RPH3AL: variants seen among roughly 807,000 people sequenced by gnomAD.
RPH3AL encodes rab effector Noc2.
RPH3AL carries 38 observed loss-of-function variants against 43.1 expected under a neutral mutation model. The ratio of observed to expected loss-of-function variants is 0.88; its 90% CI spans 0.68 to 1.15. The LOEUF (loss-of-function observed/expected upper bound fraction) is 1.15, where lower values mean the gene tolerates loss of function less well. Among genes scored for constraint, RPH3AL ranks in the 50% most tolerant of loss-of-function variants. RPH3AL has a pLI of 0.00. For missense variants in RPH3AL, 462 were observed against 423.2 expected, an observed-to-expected ratio of 1.09 and a Z score of -0.81; for synonymous variants, 189 against 176.3, an observed-to-expected ratio of 1.07 and a Z score of -0.57.
chr17:321,065 G>T (rs73284701), intron 4 of RPH3AL, among the ~76,000 whole-genome samples: 3,427 of 152,310 alleles, frequency 0.023, 133 homozygotes, highest in African/African-American at 0.077. Context: ...TCTCACAGAG[G>T]GGTGTCCTGA....
chr17:321,847 C>T (rs150829147), intron 3 of RPH3AL, among the ~76,000 whole-genome samples: 2 of 152,214 alleles, frequency 1.3e-5, no homozygotes, highest in African/African-American at 2.4e-5. Context: ...CACCTTAGCC[C>T]GGGAGCCAGA....
intron 5 of RPH3AL, among the ~76,000 whole-genome samples, chr17:282,422 A>C (rs567881409): frequency 6.6e-6 from 1 of 152,322 alleles, no homozygotes; most frequent in Admixed American, 6.5e-5. Flanking sequence ...GGATATGCTC[A>C]GGTTCACATG....
chr17:324,702 G>T (rs368758169), intron 3 of RPH3AL, among the ~76,000 whole-genome samples: 16,138 of 119,738 alleles, frequency 0.13, 978 homozygotes, highest in African/African-American at 0.18. Context: ...TAGCTAGCTA[G>T]CTATGTACCT....
rs778759393 is a variant in RPH3AL at position 219,682 on chromosome 17, T to C, written c.668A>G (p.Asp223Gly). 3 of 1,613,770 alleles carry C rather than the reference T, an allele frequency of 1.9e-6. No individual in the cohort carries two copies. The highest frequency in any genetic ancestry group is 1.6e-4 in the Middle Eastern group (1 of 6,062). ...DSDLSSSSLE[D>G]RLPSTGVRDR... ...CCTGACCCCAGTGGATGGGAGTCTG[T>C]CCTCTAGGCTGGAGGAGCTAAGATC... The change falls in exon 8 of 10, where the codon GAC becomes GGC. Residue 223 changes from aspartate (D) to glycine (G), a missense_variant. Transcript: ENST00000331302.
At chr17:317,458 C>T (rs561501396) in intron 5 of RPH3AL, among the ~76,000 whole-genome samples, 1 of 151,454 alleles carries the variant, frequency 6.6e-6, no homozygotes, top group South Asian at 2.1e-4. Context: ...GCCCCCACCT[C>T]CATTGACCTG....
At chr17:347,918 C>T (rs991036517) in intron 1 of RPH3AL, among the ~76,000 whole-genome samples, 3 of 151,290 alleles carry the variant, frequency 2.0e-5, no homozygotes, top group African/African-American at 7.3e-5. Context: ...GTAATCCCAG[C>T]ATTTTAGGAG....
At chr17:324,912 A>G (rs975301117) in intron 3 of RPH3AL, among the ~76,000 whole-genome samples, 6 of 152,088 alleles carry the variant, frequency 3.9e-5, no homozygotes, top group African/African-American at 1.4e-4. Flanking sequence ...TTTTTAGTAG[A>G]GACAGGGTTT....
intron 5 of RPH3AL, among the ~76,000 whole-genome samples, chr17:295,823 G>A (rs2043163683): frequency 7.6e-6 from 1 of 130,896 alleles, no homozygotes; most frequent in Admixed American, 7.3e-5. Context: ...AGTGTGGGAG[G>A]GACAGAGGAG....
At chr17:304,621 A>T (rs535875419) in intron 5 of RPH3AL, among the ~76,000 whole-genome samples, 111 of 152,130 alleles carry the variant, frequency 7.3e-4, no homozygotes, top group Non-Finnish European at 1.1e-3. Context: ...TGTCACGACG[A>T]TTCCACCCGG....
intron 5 of RPH3AL, among the ~76,000 whole-genome samples, chr17:311,519 C>T (rs908217622): frequency 2.6e-5 from 4 of 152,186 alleles, no homozygotes; most frequent in Non-Finnish European, 5.9e-5. Context: ...AACCACAGTG[C>T]ACGTCACACT....
chr17:352,132 G>A (rs1251359452), intron 1 of RPH3AL, among the ~76,000 whole-genome samples: 1 of 152,196 alleles, frequency 6.6e-6, no homozygotes, highest in African/African-American at 2.4e-5. Context: ...CCATCTCACA[G>A]TTATCTGGGG....
intron 3 of RPH3AL, among the ~76,000 whole-genome samples, chr17:326,415 A>G (rs1278330462): frequency 6.6e-6 from 1 of 152,176 alleles, no homozygotes; most frequent in Non-Finnish European, 1.5e-5. Context: ...TGAAGGATGA[A>G]GGGGCCCTTT....
chr17:320,440 A>G (rs996906802), intron 4 of RPH3AL, among the ~76,000 whole-genome samples: 4 of 152,016 alleles, frequency 2.6e-5, no homozygotes, highest in South Asian at 2.1e-4. Context: ...GTTCGAGAGC[A>G]GCCTGGGTAA....
At chr17:263,488 C>T (rs985144770) in intron 6 of RPH3AL, among the ~76,000 whole-genome samples, 2 of 152,148 alleles carry the variant, frequency 1.3e-5, no homozygotes, top group East Asian at 1.9e-4. Context: ...AAGGAGCCGC[C>T]GGGCGACTGC....
At chr17:248,903 T>C (rs2041826257) in intron 6 of RPH3AL, among the ~76,000 whole-genome samples, 1 of 152,180 alleles carries the variant, frequency 6.6e-6, no homozygotes, top group South Asian at 2.1e-4. Flanking sequence ...GCCTCCTTCC[T>C]GTCCCTTCCG....
chr17:296,496 C>A (rs956890368), intron 5 of RPH3AL, among the ~76,000 whole-genome samples: 2 of 152,172 alleles, frequency 1.3e-5, no homozygotes, highest in South Asian at 4.1e-4. Flanking sequence ...GAGGAACTGT[C>A]CTCACGGGGC....
chr17:316,116 C>T (rs2044151401), intron 5 of RPH3AL, among the ~76,000 whole-genome samples: 2 of 150,000 alleles, frequency 1.3e-5, no homozygotes, highest in African/African-American at 4.9e-5. Context: ...CTCTCTGCAC[C>T]CACCTCCATT....
intron 1 of RPH3AL, among the ~76,000 whole-genome samples, chr17:344,186 T>A (rs1050415551): frequency 3.8e-5 from 5 of 131,474 alleles, no homozygotes; most frequent in Admixed American, 1.5e-4. Flanking sequence ...AACACCACTA[T>A]AATCACCCTC....
At chr17:331,256 A>AAATGCTGCAGAGATGAAGGGAGACGGAAG in intron 2 of RPH3AL, 1 of 70,452 alleles carries the variant, frequency 1.4e-5, no homozygotes. Flanking sequence ...GAAGAGCCAC[A>AAATGCTGCAGAGATGAAGGGAGACGGAAG]GAGCCAAATG....
Sources: allele counts gnomAD v4.1 joint callset (sites outside exome capture counted in the v4.1 genomes callset), GRCh38; gene constraint gnomAD v4.1.1; transcripts MANE v1.5; gene names NCBI Gene and HGNC (gene_info 2026-07-23, HGNC 2026-07-21).